ARIH1: variants seen among roughly 807,000 people sequenced by gnomAD.
ARIH1 encodes the protein E3 ubiquitin-protein ligase ARIH1.
A neutral mutation model predicts 85.0 loss-of-function variants in ARIH1; 8 were observed. The observed-to-expected ratio is 0.09, with a 90% CI of 0.06 to 0.17. The LOEUF (loss-of-function observed/expected upper bound fraction) is 0.17. Ranked by LOEUF, ARIH1 falls within the 10% of genes least tolerant of loss-of-function variation. The probability of loss-of-function intolerance (pLI) is 1.00; values close to 1 mark genes in which losing one functional copy is unlikely to be tolerated. For missense variants in ARIH1, 311 were observed against 718.1 expected, an observed-to-expected ratio of 0.43 and a Z score of 6.48; for synonymous variants, 238 against 253.6, an observed-to-expected ratio of 0.94 and a Z score of 0.59.
chr15:72,539,463 GAA>G (rs1005902639), intron 2 of ARIH1, among the ~76,000 whole-genome samples: 4 of 151,718 alleles, frequency 2.6e-5, no homozygotes, highest in Non-Finnish European at 5.9e-5. Context: ...AAAAAAAAAA[GAA>G]AGGATAAATA....
intron 3 of ARIH1, among the ~76,000 whole-genome samples, chr15:72,554,435 G>C (rs1226707645): frequency 6.6e-6 from 1 of 152,104 alleles, no homozygotes; most frequent in Non-Finnish European, 1.5e-5. Flanking sequence ...GCCTGGTGTG[G>C]AGTGCAGTGG....
In ARIH1 at chr15:72,474,738, C is replaced by A; in HGVS notation, c.99C>A (p.Asp33Glu). 6.4e-7 allele frequency: 1 copy of A among 1,560,096 alleles called. No homozygotes were observed. The highest frequency in any genetic ancestry group is 8.7e-7 in the Non-Finnish European group (1 of 1,154,404). ...AGGAGGAGGAGGACGAAGACGACGA[C>A]GAGCCGGACGATGATACCCTGGATC... Reference protein sequence around the residue: ...GAEEEEDEDDDEPDDDTLDLG... With the variant: ...GAEEEEDEDDEEPDDDTLDLG... The change falls in exon 1 of 14, where the codon GAC (aspartate) becomes GAA (glutamate). Residue 33 changes from aspartate to glutamate, a missense_variant. Asp to Glu is a conservative substitution (Grantham distance 45, BLOSUM62 2). Transcript: ENST00000379887.
intron 6 of ARIH1, among the ~76,000 whole-genome samples, chr15:72,561,929 C>T (rs972353694): frequency 2.6e-5 from 4 of 152,086 alleles, no homozygotes; most frequent in Admixed American, 6.5e-5. Flanking sequence ...GCCGAGATGG[C>T]GCCACTGCAC....
chr15:72,594,082 C>T lies in ARIH1; in HGVS notation c.*10790C>T, dbSNP rs535840369. ...TTCTCAGCAATGTTTTGTAGCTTCCCTTGCGTAACACTTGCTTATCTTACA... is the reference window on the plus strand; with the variant it reads ...TTCTCAGCAATGTTTTGTAGCTTCCTTTGCGTAACACTTGCTTATCTTACA... On this transcript the variant is annotated 3_prime_UTR_variant, in exon 14 of 14. Coordinates refer to ENST00000379887, the MANE Select transcript of ARIH1 (RefSeq NM_005744.5). The T allele has an allele frequency of 2.0e-4, 31 of 151,900 alleles. No individual in the cohort carries two copies. Among genetic ancestry groups the T allele is most frequent in the Admixed American group, 9.8e-4 (15 of 15,270 alleles). The allele number at this position is 151,900 out of a possible 1,614,324, so 9.4% of individuals were successfully genotyped here.
rs554019526 is a variant in ARIH1 at position 72,554,142 on chromosome 15, A to G, written c.589-1129A>G. Among the ~76,000 whole-genome samples, 26 of 152,174 alleles carry G rather than the reference A, an allele frequency of 1.7e-4. No homozygotes were observed. In the East Asian group the frequency reaches 5.0e-3, roughly 29 times the overall value. ...GTTGATGGACATCTGGATTGTTTTC[A>G]TTTTTTGGCTGTTACGAATAATGCT... On this transcript the variant is annotated intron_variant, in intron 3 of 13. Transcript: ENST00000379887.
intron 1 of ARIH1, among the ~76,000 whole-genome samples, chr15:72,483,550 GTC>G (rs886737219): frequency 6.6e-6 from 1 of 152,178 alleles, no homozygotes; most frequent in Non-Finnish European, 1.5e-5. Context: ...GTTTGTCTCT[GTC>G]TCTCTCTGTT....
intron 5 of ARIH1, among the ~76,000 whole-genome samples, chr15:72,559,378 T>G (rs1319061543): frequency 6.6e-6 from 1 of 152,136 alleles, no homozygotes; most frequent in Non-Finnish European, 1.5e-5. Context: ...CAAGTGATTC[T>G]CCTGCCTCAG....
At position 72,474,556 on chromosome 15, in the gene ARIH1, G is replaced by A; in HGVS notation, c.-84G>A. 1.0e-5 allele frequency: 15 copies of A among 1,447,610 alleles called. No individual in the cohort carries two copies. Among genetic ancestry groups the A allele is most frequent in the Non-Finnish European group, 1.4e-5 (15 of 1,099,646 alleles). 89.7% of individuals were successfully genotyped at this position (1,447,610 alleles called of 1,614,324 possible). On this transcript the variant is annotated 5_prime_UTR_variant, in exon 1 of 14. Transcript: ENST00000379887. Reference sequence around the variant, plus strand: ...CAGGCCTGCGTCCGGACATCAGCCGGAGCCGGAGCGAGAGCCGGGGCCTCG... The same window carrying A: ...CAGGCCTGCGTCCGGACATCAGCCGAAGCCGGAGCGAGAGCCGGGGCCTCG...
chr15:72,588,562 A>G lies in ARIH1; in HGVS notation c.*5270A>G, dbSNP rs953783553. 6.6e-6 allele frequency: 1 copy of G among 152,154 alleles called. No homozygotes were observed. Among genetic ancestry groups the G allele is most frequent in the Non-Finnish European group, 1.5e-5 (1 of 68,038 alleles). 9.4% of individuals were successfully genotyped at this position (152,154 alleles called of 1,614,324 possible). ...TCTAGACTGCCTTCTATAGTTGCAA[A>G]AAGAGAATATAGGCGAGCAACTCCA... On this transcript the variant is annotated 3_prime_UTR_variant, in exon 14 of 14. Coordinates refer to ENST00000379887, the MANE Select transcript of ARIH1 (RefSeq NM_005744.5).
chr15:72,594,811 CTTTTTTTTTTTTTT>C lies in ARIH1; in HGVS notation c.*11533_*11546del, dbSNP rs71137306. On this transcript the variant is annotated 3_prime_UTR_variant, in exon 14 of 14. Transcript: ENST00000379887. ...TTTTTCTGATTTTATGCCTTTTCTT[CTTTTTTTTTTTTTT>C]TTTTTTTTTTTTTGTCTTTCTCCAC... 5 of 79,616 alleles carry C rather than the reference CTTTTTTTTTTTTTT, an allele frequency of 6.3e-5. No homozygotes were observed. The highest frequency in any genetic ancestry group is 8.1e-5 in the Non-Finnish European group (4 of 49,136). The allele number at this position is 79,616 out of a possible 1,614,324, so 4.9% of individuals were successfully genotyped here. A position where few individuals can be genotyped will look rare whatever the true frequency, so the allele number is the denominator to read the frequency against.
intron 1 of ARIH1, chr15:72,475,303 G>T (rs949727585): frequency 8.3e-6 from 4 of 483,252 alleles, no homozygotes; most frequent in Admixed American, 4.4e-5. Context: ...GCCAGTCCCT[G>T]GGCCGGGTGT....
chr15:72,569,536 C>A (rs1296621490), intron 9 of ARIH1, among the ~76,000 whole-genome samples: 1 of 152,058 alleles, frequency 6.6e-6, no homozygotes, highest in African/African-American at 2.4e-5. Flanking sequence ...ACTTATGTGA[C>A]CTTGGACTAG....
Position 72,474,352 on chromosome 15 carries a change from G to T in ARIH1, c.-288G>T, listed in dbSNP as rs2063783741. The T allele has an allele frequency of 4.8e-6, 2 of 414,926 alleles. No homozygotes were observed. The highest frequency in any genetic ancestry group is 8.6e-6 in the Non-Finnish European group (2 of 231,516). The allele number at this position is 414,926 out of a possible 1,614,324, so 25.7% of individuals were successfully genotyped here. A position where few individuals can be genotyped will look rare whatever the true frequency, so the allele number is the denominator to read the frequency against. Reference sequence around the variant, plus strand: ...CTCAGTAGCGATAGCAGCGGCCGTGGAGGTGGCGTTGGGGACTGTTTTCTC... The same window carrying T: ...CTCAGTAGCGATAGCAGCGGCCGTGTAGGTGGCGTTGGGGACTGTTTTCTC... On this transcript the variant is annotated 5_prime_UTR_variant, in exon 1 of 14. Coordinates refer to ENST00000379887, the MANE Select transcript of ARIH1 (RefSeq NM_005744.5).
intron 2 of ARIH1, among the ~76,000 whole-genome samples, chr15:72,531,155 A>T (rs2064054788): frequency 6.6e-6 from 1 of 152,182 alleles, no homozygotes; most frequent in Non-Finnish European, 1.5e-5. Context: ...TGAAATTTTG[A>T]CTCGTGAAAA....
intron 7 of ARIH1, among the ~76,000 whole-genome samples, chr15:72,563,844 AC>A (rs2064207585): frequency 6.6e-6 from 1 of 152,114 alleles, no homozygotes; most frequent in Admixed American, 6.6e-5. Context: ...TTTTAACCTT[AC>A]TTATGCAAAG....
At position 72,579,227 on chromosome 15, in the gene ARIH1, C is replaced by G. The variant is rs577955425; in HGVS notation, c.1216-1504C>G. 5.3e-5 allele frequency among the ~76,000 whole-genome samples: 8 copies of G among 152,150 alleles called. No individual in the cohort carries two copies. In the South Asian group the frequency reaches 1.5e-3, roughly 28 times the overall value. On this transcript the variant is annotated intron_variant, in intron 11 of 13. Transcript: ENST00000379887. ...TGCTTTTTTTTCTTTGTTGAAGAAA[C>G]TAGATCGTGTTGTCCTGTAGAGTTT...
At chr15:72,540,593 A>G (rs955922571) in intron 2 of ARIH1, among the ~76,000 whole-genome samples, 4 of 151,976 alleles carry the variant, frequency 2.6e-5, no homozygotes, top group Non-Finnish European at 5.9e-5. Context: ...TTAGCTTCCC[A>G]CTCATATTTC....
chr15:72,532,904 A>G (rs1215867383), intron 2 of ARIH1, among the ~76,000 whole-genome samples: 1 of 152,252 alleles, frequency 6.6e-6, no homozygotes, highest in Non-Finnish European at 1.5e-5. Flanking sequence ...GCTATTAGCA[A>G]TCTAGAACTT....
At chr15:72,519,482 T>G (rs868777841) in intron 2 of ARIH1, among the ~76,000 whole-genome samples, 36 of 124,120 alleles carry the variant, frequency 2.9e-4, no homozygotes, top group African/African-American at 7.6e-4. Flanking sequence ...TTTGTTTTTT[T>G]TTTTTTTTTT....
Sources: gnomAD v4.1 joint callset for allele counts (sites outside exome capture counted in the v4.1 genomes callset) on GRCh38, gnomAD v4.1.1 for gene constraint, MANE v1.5 for transcripts, NCBI Gene and HGNC (gene_info 2026-07-23, HGNC 2026-07-21) for gene names.